The following PDE7B variants were observed in gnomAD, a reference collection of about 807,000 sequenced individuals.
PDE7B encodes phosphodiesterase 7B.
Under a neutral mutation model 56.2 loss-of-function variants are expected in PDE7B, and 29 were observed. That is an observed-to-expected ratio of 0.52 (90% CI 0.38 to 0.70). The LOEUF (loss-of-function observed/expected upper bound fraction) is 0.70, where lower values mean the gene tolerates loss of function less well. PDE7B is among the 30% of genes least tolerant of loss of function. PDE7B has a pLI of 0.00. For missense variants in PDE7B, 490 were observed against 565.0 expected, an observed-to-expected ratio of 0.87 and a Z score of 1.35; for synonymous variants, 197 against 196.9, an observed-to-expected ratio of 1.00 and a Z score of 0.00.
chr6:135,903,925 C>G (rs965034948), intron 1 of PDE7B, among the ~76,000 whole-genome samples: 14 of 152,164 alleles, frequency 9.2e-5, no homozygotes, highest in Admixed American at 3.3e-4. Context: ...TAAGAAAGTA[C>G]TTTTCATTTT....
Position 135,965,076 on chromosome 6 carries a change from G to A in PDE7B, c.82+17552G>A, listed in dbSNP as rs762228688. On this transcript the variant is annotated intron_variant, in intron 2 of 12. Coordinates refer to ENST00000308191, the MANE Select transcript of PDE7B (RefSeq NM_018945.4). The stretch of plus-strand genomic sequence containing the variant: ...GAATCACTTGAACCTGGGAGGTGGA[G>A]GTTGCAGTGAGCTGATATTTTGCAG... Among the ~76,000 whole-genome samples, 2 of 152,222 alleles carry A rather than the reference G, an allele frequency of 1.3e-5. 1 individual carries two copies. The highest frequency in any genetic ancestry group is 4.1e-4 in the South Asian group (2 of 4,832).
intron 1 of PDE7B, among the ~76,000 whole-genome samples, chr6:135,920,365 C>G (rs1774050565): frequency 6.6e-6 from 1 of 152,184 alleles, no homozygotes; most frequent in African/African-American, 2.4e-5. Context: ...CTTTTTCCAT[C>G]TAAATACATG....
intron 2 of PDE7B, among the ~76,000 whole-genome samples, chr6:136,000,352 C>T (rs561916997): frequency 3.5e-4 from 53 of 152,186 alleles, no homozygotes; most frequent in African/African-American, 1.1e-3. Context: ...GGTATTTCTT[C>T]GGTTGTCTTC....
intron 2 of PDE7B, among the ~76,000 whole-genome samples, chr6:136,056,912 C>T (rs1228904374): frequency 1.3e-5 from 2 of 152,098 alleles, no homozygotes; most frequent in African/African-American, 4.8e-5. Context: ...CCTTCTATTT[C>T]CCTAAGCCCC....
chr6:136,129,348 T>C (rs186644293), intron 3 of PDE7B, among the ~76,000 whole-genome samples: 8 of 152,226 alleles, frequency 5.3e-5, no homozygotes, highest in Non-Finnish European at 1.0e-4. Context: ...CCAGAGAGAA[T>C]GGAGAATACT....
intron 1 of PDE7B, among the ~76,000 whole-genome samples, chr6:135,865,342 C>G (rs1775234229): frequency 6.6e-6 from 1 of 152,110 alleles, no homozygotes; most frequent in African/African-American, 2.4e-5. Flanking sequence ...TCATCTGTAT[C>G]TAATCTGTCA....
chr6:135,988,773 G>T (rs1216461708), intron 2 of PDE7B, among the ~76,000 whole-genome samples: 1 of 152,114 alleles, frequency 6.6e-6, no homozygotes, highest in Non-Finnish European at 1.5e-5. Flanking sequence ...TAAGAGTTTT[G>T]TTGTCACTGT....
intron 2 of PDE7B, among the ~76,000 whole-genome samples, chr6:136,042,397 T>A (rs1483530068): frequency 1.3e-5 from 2 of 152,230 alleles, no homozygotes; most frequent in African/African-American, 4.8e-5. Context: ...GATTTTGGAA[T>A]TCAACCAAAT....
intron 1 of PDE7B, among the ~76,000 whole-genome samples, chr6:135,927,187 T>G (rs1055217454): frequency 2.0e-5 from 3 of 152,176 alleles, no homozygotes; most frequent in African/African-American, 4.8e-5. Context: ...TCCCTATGCT[T>G]TGTTTTAAAA....
intron 2 of PDE7B, among the ~76,000 whole-genome samples, chr6:135,948,042 T>G (rs923084848): frequency 2.0e-5 from 3 of 152,096 alleles, no homozygotes; most frequent in African/African-American, 7.2e-5. Flanking sequence ...TGTAGGATGA[T>G]ATATCATCAA....
intron 2 of PDE7B, among the ~76,000 whole-genome samples, chr6:135,950,637 A>G (rs1391402017): frequency 1.3e-5 from 2 of 151,738 alleles, no homozygotes; most frequent in African/African-American, 4.8e-5. Flanking sequence ...CTCCCTCTCT[A>G]CCCACTCACA....
At chr6:136,059,647 A>G (rs1776802635) in intron 2 of PDE7B, among the ~76,000 whole-genome samples, 1 of 152,236 alleles carries the variant, frequency 6.6e-6, no homozygotes, top group Non-Finnish European at 1.5e-5. Context: ...TTAATTATGC[A>G]AACTCCAAGA....
intron 2 of PDE7B, among the ~76,000 whole-genome samples, chr6:136,027,354 AG>A (rs1264364921): frequency 6.6e-6 from 1 of 152,194 alleles, no homozygotes; most frequent in Non-Finnish European, 1.5e-5. Flanking sequence ...CCAGTTTGCT[AG>A]GAACACAGTA....
intron 1 of PDE7B, among the ~76,000 whole-genome samples, chr6:135,860,843 A>T (rs894225085): frequency 4.0e-5 from 6 of 149,324 alleles, no homozygotes; most frequent in African/African-American, 4.9e-5. Flanking sequence ...CTTGTTTTAA[A>T]TTTTTTTTTT....
At chr6:136,032,742 C>T (rs1411825897) in intron 2 of PDE7B, among the ~76,000 whole-genome samples, 2 of 152,208 alleles carry the variant, frequency 1.3e-5, no homozygotes, top group African/African-American at 4.8e-5. Flanking sequence ...AACTTGTCAA[C>T]TGTGATATCA....
intron 2 of PDE7B, among the ~76,000 whole-genome samples, chr6:136,004,761 G>A (rs1325400150): frequency 6.6e-6 from 1 of 152,158 alleles, no homozygotes; most frequent in Admixed American, 6.5e-5. Context: ...TCAATATCGT[G>A]AAAATGGCCA....
chr6:135,947,208 C>T (rs1774608815), intron 1 of PDE7B, among the ~76,000 whole-genome samples: 1 of 152,090 alleles, frequency 6.6e-6, no homozygotes, highest in Non-Finnish European at 1.5e-5. Flanking sequence ...CATCTCTAGT[C>T]GTGACTTCAC....
chr6:136,068,270 T>C (rs1451606651), intron 2 of PDE7B, among the ~76,000 whole-genome samples: 12 of 152,106 alleles, frequency 7.9e-5, no homozygotes. Flanking sequence ...GCAAGACAAC[T>C]AGGAGAGTTG....
intron 3 of PDE7B, among the ~76,000 whole-genome samples, chr6:136,142,841 G>C (rs571247412): frequency 3.1e-5 from 4 of 127,732 alleles, no homozygotes; most frequent in East Asian, 4.4e-4. Flanking sequence ...GAGCCTATGT[G>C]TGTCTCTGCA....
Sources: gnomAD v4.1 joint callset for allele counts (sites outside exome capture counted in the v4.1 genomes callset) on GRCh38, gnomAD v4.1.1 for gene constraint, MANE v1.5 for transcripts, NCBI Gene and HGNC (gene_info 2026-07-23, HGNC 2026-07-21) for gene names.